TSPAN7: variants seen among roughly 807,000 people sequenced by gnomAD.
TSPAN7 encodes the protein tetraspanin 7.
A neutral mutation model predicts 17.6 loss-of-function variants in TSPAN7; 1 was observed. That is an observed-to-expected ratio of 0.06 (90% CI 0.02 to 0.27). TSPAN7 has a LOEUF of 0.27. Ranked by LOEUF, TSPAN7 falls within the 10% of genes least tolerant of loss-of-function variation. The pLI is 1.00. For synonymous variants in TSPAN7, 78 were observed against 79.0 expected, an observed-to-expected ratio of 0.99 and a Z score of 0.07; for missense variants, 112 against 201.7, an observed-to-expected ratio of 0.56 and a Z score of 2.69.
intron 1 of TSPAN7, among the ~76,000 whole-genome samples, chrX:38,648,748 A>T (rs1351174500): frequency 9.0e-6 from 1 of 111,152 alleles, no homozygotes; most frequent in Non-Finnish European, 1.9e-5. Context: ...CACCACACCC[A>T]GCCAGGCATC....
chrX:38,602,568 C>A (rs1387016970), intron 1 of TSPAN7, among the ~76,000 whole-genome samples: 1 of 112,122 alleles, frequency 8.9e-6, no homozygotes, highest in Non-Finnish European at 1.9e-5. Flanking sequence ...TGCCAATAAA[C>A]ATCCAAGAAA....
intron 6 of TSPAN7, among the ~76,000 whole-genome samples, chrX:38,685,257 T>G: frequency 8.9e-6 from 1 of 111,753 alleles, no homozygotes; most frequent in Non-Finnish European, 1.9e-5. Flanking sequence ...GTGTATTCTT[T>G]AACCTCTCAT....
chrX:38,610,935 A>G (rs1230757705), intron 1 of TSPAN7, among the ~76,000 whole-genome samples: 1 of 112,196 alleles, frequency 8.9e-6, no homozygotes, highest in Non-Finnish European at 1.9e-5. Flanking sequence ...TAATGCTCTT[A>G]CTCAAATCAG....
intron 1 of TSPAN7, among the ~76,000 whole-genome samples, chrX:38,639,053 A>G (rs2069598324): frequency 9.0e-6 from 1 of 111,244 alleles, no homozygotes. Context: ...ATGGATAAGG[A>G]ATTGTTTTAG....
intron 1 of TSPAN7, among the ~76,000 whole-genome samples, chrX:38,643,300 G>A (rs1352086905): frequency 9.1e-6 from 1 of 110,014 alleles, no homozygotes; most frequent in African/African-American, 3.3e-5. Flanking sequence ...ATATAAAAAA[G>A]GATGTGTAAA....
chrX:38,686,719 A>C (rs1377065158), intron 6 of TSPAN7, among the ~76,000 whole-genome samples: 1 of 112,188 alleles, frequency 8.9e-6, no homozygotes, highest in African/African-American at 3.2e-5. Context: ...CTGATCCTCC[A>C]GATTCATGAA....
At chrX:38,589,027 G>C (rs2069275224) in intron 1 of TSPAN7, among the ~76,000 whole-genome samples, 1 of 111,817 alleles carries the variant, frequency 8.9e-6, no homozygotes, top group Non-Finnish European at 1.9e-5. Flanking sequence ...AAGCCATTTT[G>C]CTAATGGATC....
At chrX:38,598,389 C>T (rs1257695176) in intron 1 of TSPAN7, among the ~76,000 whole-genome samples, 1 of 111,362 alleles carries the variant, frequency 9.0e-6, no homozygotes, top group Non-Finnish European at 1.9e-5. Flanking sequence ...GACCTCTGAT[C>T]ACTTGATAAC....
intron 1 of TSPAN7, among the ~76,000 whole-genome samples, chrX:38,565,778 T>C (rs1389558190): frequency 8.9e-6 from 1 of 112,088 alleles, no homozygotes; most frequent in Non-Finnish European, 1.9e-5. Flanking sequence ...CTTTCTCTCC[T>C]GTCTATAATC....
chrX:38,566,703 T>C (rs2069145345), intron 1 of TSPAN7, among the ~76,000 whole-genome samples: 1 of 111,804 alleles, frequency 8.9e-6, no homozygotes, highest in Non-Finnish European at 1.9e-5. Context: ...AAATTTTTAA[T>C]TAGAATTTTT....
intron 1 of TSPAN7, among the ~76,000 whole-genome samples, chrX:38,603,224 C>T (rs1319294936): frequency 8.9e-6 from 1 of 111,884 alleles, no homozygotes; most frequent in Non-Finnish European, 1.9e-5. Context: ...TGAAATACCA[C>T]TTAATGCTCA....
chrX:38,687,772 C>G, intron 7 of TSPAN7, 98 bp downstream of exon 7: 1 of 669,623 alleles, frequency 1.5e-6, no homozygotes, highest in Non-Finnish European at 2.2e-6. Context: ...ATTGAGCTAC[C>G]TGATCTTGGT....
At chrX:38,687,799 C>G in intron 7 of TSPAN7, 125 bp downstream of exon 7, 1 of 482,001 alleles carries the variant, frequency 2.1e-6, no homozygotes, top group Admixed American at 3.9e-5. Context: ...TGTCCATGTT[C>G]AGAAATCTCA....
At chrX:38,647,599 T>C (rs1279571273) in intron 1 of TSPAN7, among the ~76,000 whole-genome samples, 1 of 112,533 alleles carries the variant, frequency 8.9e-6, no homozygotes, top group Non-Finnish European at 1.9e-5. Context: ...ATTGTTTGCA[T>C]GCTATTAAGA....
intron 1 of TSPAN7, among the ~76,000 whole-genome samples, chrX:38,620,151 G>A (rs2069481196): frequency 8.9e-6 from 1 of 111,770 alleles, no homozygotes; most frequent in Non-Finnish European, 1.9e-5. Flanking sequence ...TGTGAATGGG[G>A]TAGGGTGACT....
At position 38,640,574 on chromosome X, in the gene TSPAN7, T is replaced by C. The variant is rs769210226; in HGVS notation, c.82-25547T>C. On this transcript the variant is annotated intron_variant, in intron 1 of 7. Coordinates refer to ENST00000378482, the MANE Select transcript of TSPAN7 (RefSeq NM_004615.4). The stretch of plus-strand genomic sequence containing the variant: ...TCTGTTTGTGATGAGAGAGAGACTT[T>C]CAGTGGACATCTCCTCAACAAGCAA... 1.2e-4 allele frequency among the ~76,000 whole-genome samples: 13 copies of C among 112,411 alleles called. No individual in the cohort carries two copies. The South Asian group carries it at 4.4e-3, about 38-fold the overall frequency.
chrX:38,641,435 C>A (rs1260866945), intron 1 of TSPAN7, among the ~76,000 whole-genome samples: 3 of 111,812 alleles, frequency 2.7e-5, no homozygotes, highest in African/African-American at 9.8e-5. Context: ...CGAAAGGAGT[C>A]CAAACCCCTC....
intron 3 of TSPAN7, among the ~76,000 whole-genome samples, chrX:38,672,697 T>C (rs1326401096): frequency 9.0e-6 from 1 of 110,941 alleles, no homozygotes; most frequent in Non-Finnish European, 1.9e-5. Context: ...GTTTTTCTCT[T>C]AATGGTGCTT....
intron 2 of TSPAN7, among the ~76,000 whole-genome samples, chrX:38,668,228 C>T (rs770873720): frequency 1.8e-5 from 2 of 111,852 alleles, no homozygotes; most frequent in African/African-American, 3.2e-5. Context: ...AAGTTTCTCC[C>T]GGCCCAAATA....
Sources: gnomAD v4.1 joint callset for allele counts (sites outside exome capture counted in the v4.1 genomes callset) on GRCh38, gnomAD v4.1.1 for gene constraint, MANE v1.5 for transcripts, NCBI Gene and HGNC (gene_info 2026-07-23, HGNC 2026-07-21) for gene names.